SCAPER: variants seen among roughly 807,000 people sequenced by gnomAD.
SCAPER encodes the protein S phase cyclin A-associated protein in the endoplasmic reticulum.
Under a neutral mutation model 182.2 loss-of-function variants are expected in SCAPER, and 98 were observed. That is an observed-to-expected ratio of 0.54 (90% CI 0.46 to 0.64). SCAPER has a LOEUF of 0.64. SCAPER is among the 30% of genes least tolerant of loss of function. SCAPER has a pLI of 0.00. For synonymous variants in SCAPER, 605 were observed against 564.6 expected, an observed-to-expected ratio of 1.07 and a Z score of -1.01; for missense variants, 1,432 against 1,690.0, an observed-to-expected ratio of 0.85 and a Z score of 2.68.
intron 27 of SCAPER, among the ~76,000 whole-genome samples, chr15:76,399,984 G>A (rs1157908617): frequency 7.0e-6 from 1 of 143,412 alleles, no homozygotes; most frequent in African/African-American, 2.6e-5. Context: ...CAGCCTGGGC[G>A]ACAGAGCGAG....
chr15:76,793,360 C>A (rs2065120824), intron 8 of SCAPER: 3 of 679,034 alleles, frequency 4.4e-6, no homozygotes, highest in Non-Finnish European at 8.1e-6. Flanking sequence ...TGGCTGGCAG[C>A]CCCTAGGTGG....
chr15:76,703,052 G>C, intron 18 of SCAPER, 50 bp from the exon 19 acceptor site: 1 of 1,495,294 alleles, frequency 6.7e-7, no homozygotes, highest in Non-Finnish European at 8.9e-7. Context: ...TCAAATTATG[G>C]TGAGAAATTG....
chr15:76,461,592 T>C (rs1000850393), intron 25 of SCAPER, among the ~76,000 whole-genome samples: 2 of 152,126 alleles, frequency 1.3e-5, no homozygotes, highest in African/African-American at 4.8e-5. Context: ...TGATTCTTTA[T>C]TATGTTTTTA....
rs190515375 is a variant in SCAPER at position 76,843,146 on chromosome 15, G to A, written c.196-1215C>T. The stretch of plus-strand genomic sequence containing the variant: ...ATATATGTATAGCATTCATAATCAT[G>A]AGTAATTAAAATCATAAAGTATATC... On this transcript the variant is annotated intron_variant, in intron 4 of 31. Coordinates refer to ENST00000563290, the MANE Select transcript of SCAPER (RefSeq NM_020843.4). 7.2e-5 allele frequency among the ~76,000 whole-genome samples: 11 copies of A among 152,156 alleles called. No individual in the cohort carries two copies. In the East Asian group the frequency reaches 1.3e-3, roughly 19 times the overall value.
intron 20 of SCAPER, among the ~76,000 whole-genome samples, chr15:76,689,580 C>A (rs1413057011): frequency 6.6e-6 from 1 of 151,666 alleles, no homozygotes; most frequent in Admixed American, 6.6e-5. Context: ...AGAGAAAAGC[C>A]TCCCCCTAAA....
intron 28 of SCAPER, among the ~76,000 whole-genome samples, chr15:76,376,941 G>A (rs1657740320): frequency 1.3e-5 from 2 of 152,148 alleles, no homozygotes; most frequent in African/African-American, 2.4e-5. Flanking sequence ...GGCTGTCGGC[G>A]GTGGGCGACT....
intron 21 of SCAPER, among the ~76,000 whole-genome samples, chr15:76,624,369 GACT>G (rs960433690): frequency 7.9e-5 from 12 of 152,016 alleles, no homozygotes; most frequent in Non-Finnish European, 1.5e-5. Flanking sequence ...CTACAAGGAG[GACT>G]ACAAAACATT....
chr15:76,404,458 GA>G, intron 27 of SCAPER, 65 bp downstream of exon 27: 1 of 1,505,066 alleles, frequency 6.6e-7, no homozygotes, highest in Non-Finnish European at 9.0e-7. Flanking sequence ...AATGACCCTA[GA>G]ATGGGCAAAA....
intron 22 of SCAPER, among the ~76,000 whole-genome samples, chr15:76,618,818 T>C (rs2051739190): frequency 6.6e-6 from 1 of 152,200 alleles, no homozygotes; most frequent in Admixed American, 6.5e-5. Flanking sequence ...AAGAAAGTGA[T>C]ATACAAATGA....
At chr15:76,443,802 T>C (rs1277904175) in intron 25 of SCAPER, among the ~76,000 whole-genome samples, 5 of 152,146 alleles carry the variant, frequency 3.3e-5, no homozygotes, top group African/African-American at 1.2e-4. Context: ...GGGATTAAGA[T>C]CCTGAAGCAC....
intron 31 of SCAPER, chr15:76,349,377 A>G (rs923327081): frequency 2.6e-5 from 4 of 152,226 alleles, no homozygotes; most frequent in African/African-American, 9.7e-5. Flanking sequence ...ATTCAAATAT[A>G]GCACAGCCTA....
At chr15:76,832,068 T>C (rs2068536394) in intron 5 of SCAPER, among the ~76,000 whole-genome samples, 1 of 152,140 alleles carries the variant, frequency 6.6e-6, no homozygotes, top group East Asian at 1.9e-4. Context: ...TTCTGGCAAT[T>C]CTCAAACCAG....
At chr15:76,762,381 T>TC (rs397965828) in intron 14 of SCAPER, among the ~76,000 whole-genome samples, 5 of 151,520 alleles carry the variant, frequency 3.3e-5, no homozygotes, top group South Asian at 2.1e-4. Context: ...TTTTTTTTTT[T>TC]CTAATGGTTT....
At chr15:76,818,828 C>A (rs145063361) in intron 5 of SCAPER, among the ~76,000 whole-genome samples, 51 of 152,356 alleles carry the variant, frequency 3.3e-4, no homozygotes, top group African/African-American at 1.1e-3. Context: ...CAGGGAATTC[C>A]CTTTCCTAGT....
rs183087163 is a variant in SCAPER at position 76,583,928 on chromosome 15, C to T, written c.2712-9644G>A. Among the ~76,000 whole-genome samples the T allele has an allele frequency of 2.6e-5, 4 of 152,138 alleles. No individual in the cohort carries two copies. The East Asian group carries it at 7.7e-4, about 29-fold the overall frequency. ...TAGCAATCCCACTGGTGGGTATATA[C>T]CCAAAAGAAAAATCAGTATATTGAA... is the stretch of plus-strand genomic sequence containing the variant. On this transcript the variant is annotated intron_variant, in intron 22 of 31. Transcript: ENST00000563290.
chr15:76,593,370 G>A (rs1406291291), intron 22 of SCAPER, among the ~76,000 whole-genome samples: 1 of 121,340 alleles, frequency 8.2e-6, no homozygotes, highest in African/African-American at 2.5e-5. Flanking sequence ...GAGCACCTGG[G>A]GGAAGGGGCG....
intron 4 of SCAPER, among the ~76,000 whole-genome samples, chr15:76,855,229 A>G (rs2071218956): frequency 6.6e-6 from 1 of 152,214 alleles, no homozygotes; most frequent in Non-Finnish European, 1.5e-5. Flanking sequence ...CCATATGCAG[A>G]AGACTGAAAC....
At chr15:76,510,034 T>C (rs931508310) in intron 23 of SCAPER, among the ~76,000 whole-genome samples, 1 of 152,142 alleles carries the variant, frequency 6.6e-6, no homozygotes, top group Non-Finnish European at 1.5e-5. Flanking sequence ...TGTAGGAGAA[T>C]GAAACTGGAT....
intron 22 of SCAPER, among the ~76,000 whole-genome samples, chr15:76,608,752 G>C (rs2050700998): frequency 6.6e-6 from 1 of 152,178 alleles, no homozygotes; most frequent in South Asian, 2.1e-4. Flanking sequence ...CCTCACTGCT[G>C]CCTTGCAGTT....
Sources: gnomAD v4.1 joint callset for allele counts (sites outside exome capture counted in the v4.1 genomes callset) on GRCh38, gnomAD v4.1.1 for gene constraint, MANE v1.5 for transcripts, NCBI Gene and HGNC (gene_info 2026-07-23, HGNC 2026-07-21) for gene names.